The following DHX9 variants were observed in gnomAD, a reference collection of about 807,000 sequenced individuals.
The protein encoded by DHX9 is ATP-dependent RNA helicase A.
DHX9 carries 27 observed loss-of-function variants against 148.7 expected under a neutral mutation model. The observed-to-expected ratio is 0.18, with a 90% CI of 0.13 to 0.25. DHX9 has a LOEUF of 0.25. Among genes scored for constraint, DHX9 ranks in the 10% least tolerant of loss-of-function variants. DHX9 has a pLI of 1.00. For missense variants in DHX9, 796 were observed against 1,559.6 expected (o/e 0.51, Z 8.25); for synonymous variants, 529 against 516.6 (o/e 1.02, Z -0.33).
chr1:182,853,252 T>G, intron 4 of DHX9, 54 bp from the exon 5 acceptor site: 1 of 1,251,290 alleles, frequency 8.0e-7, no homozygotes. Context: ...TTTAATGTAT[T>G]TAGGATTTTT....
At chr1:182,861,483 A>T (rs1462987899) in intron 12 of DHX9, among the ~76,000 whole-genome samples, 1 of 152,220 alleles carries the variant, frequency 6.6e-6, no homozygotes, top group African/African-American at 2.4e-5. Flanking sequence ...ACAGAAGAGA[A>T]GCCTTGAGCT....
At chr1:182,860,853 G>A (rs894127619) in intron 12 of DHX9, among the ~76,000 whole-genome samples, 1 of 152,188 alleles carries the variant, frequency 6.6e-6, no homozygotes, top group Non-Finnish European at 1.5e-5. Flanking sequence ...GTGCTCTCAG[G>A]TTAAACAGTT....
intron 14 of DHX9, among the ~76,000 whole-genome samples, chr1:182,869,308 G>A (rs903567733): frequency 5.3e-5 from 8 of 151,548 alleles, no homozygotes; most frequent in Non-Finnish European, 7.4e-5. Flanking sequence ...AGTCTGGTCC[G>A]GTCCTGACCA....
At chr1:182,880,921 T>C (rs928036986) in intron 22 of DHX9, among the ~76,000 whole-genome samples, 3 of 152,170 alleles carry the variant, frequency 2.0e-5, no homozygotes, top group African/African-American at 7.2e-5. Context: ...TCCCTTGTTA[T>C]TAATAGTTGG....
rs577319473 is a variant in DHX9, at chr1:182,887,005, C to T, written c.3462-78C>T. On this transcript the variant is annotated intron_variant, in intron 27 of 27. Transcript: ENST00000367549. ...CCCTTTATTAAATTTTCAAATATAA[C>T]TAAATGTGTACATTTGGTAAGTCGT... is the stretch of plus-strand genomic sequence containing the variant. The T allele has an allele frequency of 2.5e-5, 33 of 1,337,740 alleles. No homozygotes were observed. In the East Asian group the frequency reaches 4.4e-4, roughly 18 times the overall value. 82.9% of individuals were successfully genotyped at this position (1,337,740 alleles called of 1,614,324 possible).
chr1:182,885,380 GCCA>G (rs1257892369), intron 27 of DHX9, among the ~76,000 whole-genome samples: 2 of 152,012 alleles, frequency 1.3e-5, no homozygotes, highest in East Asian at 3.9e-4. Context: ...ACAATGTATA[GCCA>G]TATAGTCTTT....
intron 16 of DHX9, among the ~76,000 whole-genome samples, 194 bp from the exon 17 acceptor site, chr1:182,875,856 T>C (rs1211605766): frequency 6.6e-6 from 1 of 152,192 alleles, no homozygotes; most frequent in Non-Finnish European, 1.5e-5. Flanking sequence ...TACTAATTAG[T>C]GGAAAAGTTC....
At chr1:182,869,192 G>A (rs1279024793) in intron 14 of DHX9, among the ~76,000 whole-genome samples, 2 of 152,250 alleles carry the variant, frequency 1.3e-5, no homozygotes, top group Admixed American at 1.3e-4. Flanking sequence ...GGGAGGCTGA[G>A]GTGGATGGGT....
At chr1:182,886,088 G>A (rs1649310440) in intron 27 of DHX9, among the ~76,000 whole-genome samples, 1 of 152,150 alleles carries the variant, frequency 6.6e-6, no homozygotes, top group South Asian at 2.1e-4. Flanking sequence ...ATTTGTGGTA[G>A]AATCAATAGG....
At chr1:182,881,115 C>G in intron 22 of DHX9, 149 bp from the exon 23 acceptor site, 2 of 692,136 alleles carry the variant, frequency 2.9e-6, no homozygotes, top group Non-Finnish European at 4.6e-6. Flanking sequence ...AAGAGAGCAG[C>G]TATAAAGTTC....
intron 11 of DHX9, 38 bp from the exon 12 acceptor site, chr1:182,859,955 G>A (rs373424540): frequency 9.7e-5 from 153 of 1,571,720 alleles, no homozygotes; most frequent in Non-Finnish European, 1.3e-4. Flanking sequence ...CTAATGTGTT[G>A]GTAGACATTT....
At chr1:182,842,487 G>C (rs16859723) in intron 1 of DHX9, 58 bp from the exon 2 acceptor site, 10,863 of 918,556 alleles carry the variant, frequency 0.012, 205 homozygotes, top group South Asian at 0.053. Flanking sequence ...TAGATAATTG[G>C]TTCCTCCCAG....
At chr1:182,871,061 A>G (rs1053382974) in intron 14 of DHX9, among the ~76,000 whole-genome samples, 4 of 152,174 alleles carry the variant, frequency 2.6e-5, no homozygotes, top group Admixed American at 6.5e-5. Context: ...TAAAAGATCA[A>G]TATATTATTC....
In DHX9 at chr1:182,884,667, A is replaced by G; in HGVS notation, c.3315A>G (p.Ala1105=). 6.2e-7 allele frequency: 1 copy of G among 1,614,186 alleles called. No individual in the cohort carries two copies. The highest frequency in any genetic ancestry group is 8.5e-7 in the Non-Finnish European group (1 of 1,180,026). Residue 1105 remains alanine (A), a synonymous_variant, in exon 27 of 28, where the codon GCA becomes GCG. Transcript: ENST00000367549. ...EAAACITGLR[A]AMEALVVEVT... ...CTGCCTGTATCACTGGTCTCCGGGC[A>G]GCCATGGAGGCTTTGGTTGTTGAAG...
At chr1:182,841,241 A>G (rs954154200) in intron 1 of DHX9, among the ~76,000 whole-genome samples, 1 of 152,250 alleles carries the variant, frequency 6.6e-6, no homozygotes, top group South Asian at 2.1e-4. Context: ...CAGTGAGCCA[A>G]GATCTCGCCC....
Position 182,883,487 on chromosome 1 carries a change from A to G in DHX9, c.3145-33A>G, listed in dbSNP as rs887771301. 2.0e-5 allele frequency: 32 copies of G among 1,598,820 alleles called. 1 individual carries two copies. Among genetic ancestry groups the G allele is most frequent in the Middle Eastern group, 1.7e-4 (1 of 6,012 alleles). ...GCGGTATTTGGAAGTTGGAATGTCAACCATTTTGTATTGTCTCTTTCTCCA... is the reference window on the plus strand; with the variant it reads ...GCGGTATTTGGAAGTTGGAATGTCAGCCATTTTGTATTGTCTCTTTCTCCA... On this transcript the variant is annotated intron_variant, in intron 25 of 27. Coordinates refer to ENST00000367549, the MANE Select transcript of DHX9 (RefSeq NM_001357.5).
At chr1:182,848,964 C>T (rs1158273196) in intron 3 of DHX9, among the ~76,000 whole-genome samples, 1 of 152,188 alleles carries the variant, frequency 6.6e-6, no homozygotes, top group Non-Finnish European at 1.5e-5. Context: ...GGTACTAAAC[C>T]ATGCATGAGA....
intron 3 of DHX9, among the ~76,000 whole-genome samples, chr1:182,844,744 A>G (rs1463164489): frequency 3.3e-5 from 5 of 152,226 alleles, no homozygotes; most frequent in African/African-American, 1.2e-4. Context: ...ATTTTTTGCC[A>G]GGCTGGTCTC....
intron 19 of DHX9, 132 bp from the exon 20 acceptor site, chr1:182,877,889 C>A: frequency 1.0e-6 from 1 of 993,660 alleles, no homozygotes; most frequent in Non-Finnish European, 1.4e-6. Context: ...CTTACTTGTG[C>A]CATTCATGAA....
Sources: gnomAD v4.1 joint callset for allele counts (sites outside exome capture counted in the v4.1 genomes callset) on GRCh38, gnomAD v4.1.1 for gene constraint, MANE v1.5 for transcripts, NCBI Gene and HGNC (gene_info 2026-07-23, HGNC 2026-07-21) for gene names.